NRN1: variants seen among roughly 807,000 people sequenced by gnomAD.
NRN1 encodes the protein neuritin.
A neutral mutation model predicts 15.0 loss-of-function variants in NRN1; 4 were observed. That is an observed-to-expected ratio of 0.27 (90% CI 0.13 to 0.61). The LOEUF is 0.61. Ranked by LOEUF, NRN1 falls within the 20% of genes least tolerant of loss-of-function variation. The pLI is 0.87. For synonymous variants in NRN1, 85 were observed against 79.8 expected (o/e 1.07, Z -0.35); for missense variants, 134 against 181.9 (o/e 0.74, Z 1.51).
chr6:6,006,607 C>T, intron 1 of NRN1, 88 bp downstream of exon 1: 1 of 1,317,894 alleles, frequency 7.6e-7, no homozygotes, highest in Non-Finnish European at 1.1e-6. Flanking sequence ...CTGGGGCGGC[C>T]GCGGACCCGC....
intron 1 of NRN1, chr6:6,003,198 C>T (rs1171118304): frequency 1.6e-6 from 2 of 1,234,356 alleles, no homozygotes; most frequent in East Asian, 6.3e-5. Context: ...GTGAGACCCT[C>T]GGATGCACCC....
chr6:6,002,917 G>A, intron 1 of NRN1: 1 of 392,106 alleles, frequency 2.6e-6, no homozygotes, highest in Non-Finnish European at 4.5e-6. Flanking sequence ...CTCGCAATGC[G>A]ATCTTCCATT....
intron 1 of NRN1, among the ~76,000 whole-genome samples, chr6:6,003,527 G>GCTCCTGGCCCCAGC (rs1415884741): frequency 6.6e-6 from 1 of 152,226 alleles, no homozygotes; most frequent in East Asian, 1.9e-4. Context: ...GCGGCCCGGG[G>GCTCCTGGCCCCAGC]CTCCTGGCCC....
Position 6,000,748 on chromosome 6 carries a change from T to TTTTTTTTTTTTTTTTTTTTTTTA in NRN1, c.201-1545_201-1544insTAAAAAAAAAAAAAAAAAAAAAA, listed in dbSNP as rs1554145373. Among the ~76,000 whole-genome samples the TTTTTTTTTTTTTTTTTTTTTTTA allele has an allele frequency of 6.1e-5, 6 of 99,102 alleles. 1 individual carries two copies. Among genetic ancestry groups the TTTTTTTTTTTTTTTTTTTTTTTA allele is most frequent in the Admixed American group, 2.3e-4 (2 of 8,728 alleles). 65.0% of individuals were successfully genotyped at this position (99,102 alleles called of 152,430 possible). ...TTTTTTTTTTTTTTTTTTTTTTTTTTATGTACGCCCAGATGAGGGCAGAGT... is the reference window on the plus strand; with the variant it reads ...TTTTTTTTTTTTTTTTTTTTTTTTTTTTTTTTTTTTTTTTTTTTTTTTAATGTACGCCCAGATGAGGGCAGAGT... On this transcript the variant is annotated intron_variant, in intron 2 of 2. Coordinates refer to ENST00000244766, the MANE Select transcript of NRN1 (RefSeq NM_016588.3).
chr6:6,003,830 A>G (rs1259826458), intron 1 of NRN1: 5 of 1,233,394 alleles, frequency 4.1e-6, no homozygotes, highest in East Asian at 6.3e-5. Flanking sequence ...GCACAGCGTT[A>G]GGGCGGGGAA....
Position 6,002,451 on chromosome 6 carries a change from G to A in NRN1, c.102C>T (p.Val34=). ...AVRAAGKCDA[V]FKGFSDCLLK... is the part of the protein sequence containing the mutation. The stretch of plus-strand genomic sequence containing the variant: ...GCAAACAGTCCGAAAAGCCCTTGAA[G>A]ACCGCATCGCACTTGCCCGCTGCTC... The change falls in exon 2 of 3, where the codon GTC becomes GTT. Residue 34 remains valine, a synonymous_variant. Coordinates refer to ENST00000244766, the MANE Select transcript of NRN1 (RefSeq NM_016588.3). 1 of 1,614,210 alleles carries A rather than the reference G, an allele frequency of 6.2e-7. No individual in the cohort carries two copies. The highest frequency in any genetic ancestry group is 8.5e-7 in the Non-Finnish European group (1 of 1,180,024).
At position 5,998,952 on chromosome 6, in the gene NRN1, G is replaced by C. The variant is rs780367021; in HGVS notation, c.*24C>G. ...GAGCATGGAGTGAGTGTGGGTGGGC[G>C]CGCGGGGGGAGCTGGCCCCACGCTC... On this transcript the variant is annotated 3_prime_UTR_variant, in exon 3 of 3. Coordinates refer to ENST00000244766, the MANE Select transcript of NRN1 (RefSeq NM_016588.3). 27 of 1,564,720 alleles carry C rather than the reference G, an allele frequency of 1.7e-5. No homozygotes were observed. Among genetic ancestry groups the C allele is most frequent in the Middle Eastern group, 3.4e-4 (2 of 5,908 alleles).
intron 2 of NRN1, among the ~76,000 whole-genome samples, chr6:6,000,748 T>TTTTTTTTTTAA (rs1554145373): frequency 1.0e-5 from 1 of 99,102 alleles, no homozygotes; most frequent in Non-Finnish European, 2.0e-5. Flanking sequence ...TTTTTTTTTT[T>TTTTTTTTTTAA]ATGTACGCCC....
At chr6:6,002,758 C>T (rs1395047376) in intron 1 of NRN1, 3 of 521,810 alleles carry the variant, frequency 5.7e-6, no homozygotes, top group South Asian at 2.7e-5. Flanking sequence ...GAGTCCATTC[C>T]TTTCCTCCAG....
intron 1 of NRN1, among the ~76,000 whole-genome samples, chr6:6,006,150 C>T (rs935832893): frequency 2.0e-5 from 3 of 152,096 alleles, no homozygotes; most frequent in African/African-American, 7.2e-5. Context: ...TCGATTTGCC[C>T]ACCAGCCGGG....
At chr6:6,003,678 G>C (rs1758029197) in intron 1 of NRN1, 1 of 1,232,430 alleles carries the variant, frequency 8.1e-7, no homozygotes, top group Non-Finnish European at 1.0e-6. Context: ...CAAACCCCGA[G>C]GCGCGGGACT....
At chr6:6,006,641 C>A (rs920529792) in intron 1 of NRN1, 54 bp downstream of exon 1, 2 of 1,576,810 alleles carry the variant, frequency 1.3e-6, no homozygotes, top group East Asian at 2.2e-5. Context: ...CGCCTCGGGC[C>A]GGGGCAGGCT....
In NRN1 at chr6:5,998,886, A is replaced by G; in HGVS notation, c.*90T>C. The G allele has an allele frequency of 1.2e-6, 1 of 844,114 alleles. No individual in the cohort carries two copies. The highest frequency in any genetic ancestry group is 1.9e-6 in the Non-Finnish European group (1 of 531,566). 52.3% of individuals were successfully genotyped at this position (844,114 alleles called of 1,614,324 possible). ...GTTTTCAGCATCACAGAGAATCACA[A>G]CGTCCCCAAAGAACTAATGGATCTT... On this transcript the variant is annotated 3_prime_UTR_variant, in exon 3 of 3. Transcript: ENST00000244766.
chr6:6,006,951 G>C, upstream of NRN1: 2 of 158,216 alleles, frequency 1.3e-5, no homozygotes, highest in Non-Finnish European at 2.4e-5. Flanking sequence ...GAGAGAGAGA[G>C]AGAGAGGCTG....
At chr6:6,003,590 A>T in intron 1 of NRN1, 1 of 280,174 alleles carries the variant, frequency 3.6e-6, no homozygotes, top group Non-Finnish European at 5.2e-6. Flanking sequence ...GAGCGGCGGG[A>T]GGAGGAGGAG....
chr6:6,006,966 G>C (rs76355776), upstream of NRN1: 12 of 422,718 alleles, frequency 2.8e-5, no homozygotes, highest in South Asian at 1.2e-4. Context: ...AGGCTGAGGG[G>C]GGGGGGAGAG....
chr6:6,002,864 T>A, intron 1 of NRN1: 1 of 379,332 alleles, frequency 2.6e-6, no homozygotes, highest in South Asian at 7.0e-5. Flanking sequence ...CCTCGCTCCC[T>A]CCTTCGTCTC....
chr6:6,003,241 A>C (rs1011118346), intron 1 of NRN1: 1 of 1,234,508 alleles, frequency 8.1e-7, no homozygotes, highest in Non-Finnish European at 1.0e-6. Context: ...GGCAGCCTGG[A>C]CGTCCTGAGA....
At chr6:6,004,063 C>T in intron 1 of NRN1, 2 of 1,139,078 alleles carry the variant, frequency 1.8e-6, no homozygotes, top group Non-Finnish European at 1.1e-6. Context: ...CGAGAGCGTA[C>T]CCGTTTGCAA....
Sources: gnomAD v4.1 joint callset for allele counts (sites outside exome capture counted in the v4.1 genomes callset) on GRCh38, gnomAD v4.1.1 for gene constraint, MANE v1.5 for transcripts, NCBI Gene and HGNC (gene_info 2026-07-23, HGNC 2026-07-21) for gene names.